ACTN4: variants seen among roughly 807,000 people sequenced by gnomAD.
ACTN4 encodes the protein actinin alpha 4.
A neutral mutation model predicts 114.2 loss-of-function variants in ACTN4; 18 were observed. The ratio of observed to expected loss-of-function variants is 0.16; its 90% CI spans 0.11 to 0.23. ACTN4 has a LOEUF of 0.23. Ranked by LOEUF, ACTN4 falls within the 10% of genes least tolerant of loss-of-function variation. ACTN4 has a pLI of 1.00. For synonymous variants in ACTN4, 515 were observed against 506.3 expected (o/e 1.02, Z -0.23); for missense variants, 722 against 1,262.9 (o/e 0.57, Z 6.49).
intron 1 of ACTN4, among the ~76,000 whole-genome samples, chr19:38,649,015 G>A (rs1976473888): frequency 6.6e-6 from 1 of 151,914 alleles, no homozygotes; most frequent in African/African-American, 2.4e-5. Flanking sequence ...GGCTCCTGGA[G>A]GTGCAGTCCC....
intron 8 of ACTN4, chr19:38,711,509 C>T (rs1047390353): frequency 1.6e-5 from 4 of 251,892 alleles, no homozygotes; most frequent in South Asian, 1.5e-4. Context: ...GCCTCTGACT[C>T]GGAAGGTCCC....
chr19:38,723,368 G>A (rs1969112246), intron 12 of ACTN4, among the ~76,000 whole-genome samples: 2 of 152,172 alleles, frequency 1.3e-5, no homozygotes, highest in Non-Finnish European at 2.9e-5. Flanking sequence ...GGAGGAAGCC[G>A]CTTCCCTTCT....
intron 3 of ACTN4, among the ~76,000 whole-genome samples, chr19:38,704,274 G>A (rs959529970): frequency 6.6e-6 from 1 of 152,242 alleles, no homozygotes; most frequent in African/African-American, 2.4e-5. Context: ...CTACACCATT[G>A]CACTCCAGCC....
At chr19:38,653,429 A>T (rs1599756706) in intron 1 of ACTN4, among the ~76,000 whole-genome samples, 2 of 151,956 alleles carry the variant, frequency 1.3e-5, no homozygotes, top group Admixed American at 1.3e-4. Context: ...AAAAAAAAAA[A>T]GATTCCCTTG....
At chr19:38,656,876 G>C (rs1976728040) in intron 1 of ACTN4, among the ~76,000 whole-genome samples, 1 of 152,158 alleles carries the variant, frequency 6.6e-6, no homozygotes, top group African/African-American at 2.4e-5. Flanking sequence ...TTTTGAGAGT[G>C]GGTGGAAGCC....
chr19:38,696,838 C>T (rs965306544), intron 1 of ACTN4, among the ~76,000 whole-genome samples: 2 of 152,236 alleles, frequency 1.3e-5, no homozygotes, highest in African/African-American at 2.4e-5. Context: ...GGCGAGTGGG[C>T]ATCCTCCCTG....
intron 11 of ACTN4, among the ~76,000 whole-genome samples, chr19:38,719,380 T>A (rs1039293104): frequency 6.6e-6 from 1 of 152,202 alleles, no homozygotes; most frequent in Non-Finnish European, 1.5e-5. Context: ...AGTGTGCAGC[T>A]CCACACGGCC....
chr19:38,683,260 C>T (rs900518644), intron 1 of ACTN4, among the ~76,000 whole-genome samples: 1 of 152,162 alleles, frequency 6.6e-6, no homozygotes, highest in Non-Finnish European at 1.5e-5. Context: ...GTGCAGTGCC[C>T]TCAGACCTAA....
At chr19:38,715,012 T>C (rs1047299585) in intron 9 of ACTN4, among the ~76,000 whole-genome samples, 2 of 152,176 alleles carry the variant, frequency 1.3e-5, no homozygotes, top group Admixed American at 6.5e-5. Flanking sequence ...TTATCCTCCT[T>C]TCCAAGTGAG....
At position 38,726,925 on chromosome 19, in the gene ACTN4, C is replaced by T. The variant is rs145414710; in HGVS notation, c.2191-32C>T. 7.2e-4 allele frequency: 1,157 copies of T among 1,612,618 alleles called. 1 individual carries two copies. The highest frequency in any genetic ancestry group is 9.1e-4 in the East Asian group (41 of 44,870). On this transcript the variant is annotated intron_variant, in intron 17 of 20. Coordinates refer to ENST00000252699, the MANE Select transcript of ACTN4 (RefSeq NM_004924.6). Reference sequence around the variant, plus strand: ...CACGGTGAGGACAGTTCACAGCACCCGGCCCACGATCACGCCCCCGTCTTT... The same window carrying T: ...CACGGTGAGGACAGTTCACAGCACCTGGCCCACGATCACGCCCCCGTCTTT...
intron 8 of ACTN4, chr19:38,711,149 TG>T: frequency 3.8e-6 from 1 of 263,574 alleles, no homozygotes; most frequent in Non-Finnish European, 5.9e-6. Flanking sequence ...CACGCAGGCC[TG>T]GGGCTGGCTT....
rs750429771 is a variant in ACTN4 at position 38,728,018 on chromosome 19, G to A, written c.2410G>A (p.Asp804Asn). ...CAGCCTGGGCTACGACGTGGAGAAC[G>A]ACCGGCAGGTACTGCACCCTGGGCC... is the stretch of plus-strand genomic sequence containing the variant. ...LISLGYDVEN[D>N]RQGEAEFNRI... Residue 804 changes from aspartate to asparagine, a missense_variant, in exon 19 of 21, where the codon GAC becomes AAC. This residue lies in a region of ACTN4 where 523 missense variants were observed against 875.9 expected (regional missense o/e 0.60). Coordinates refer to ENST00000252699, the MANE Select transcript of ACTN4 (RefSeq NM_004924.6). 1.5e-5 allele frequency: 24 copies of A among 1,612,284 alleles called. No individual in the cohort carries two copies. The highest frequency in any genetic ancestry group is 6.7e-5 in the East Asian group (3 of 44,826).
chr19:38,650,884 C>T (rs1290396358), intron 1 of ACTN4, among the ~76,000 whole-genome samples: 2 of 152,162 alleles, frequency 1.3e-5, no homozygotes, highest in African/African-American at 4.8e-5. Flanking sequence ...TACGGGCATG[C>T]GCCACCACGC....
chr19:38,684,847 G>A (rs1967692234), intron 1 of ACTN4, among the ~76,000 whole-genome samples: 1 of 151,634 alleles, frequency 6.6e-6, no homozygotes, highest in Non-Finnish European at 1.5e-5. Flanking sequence ...TCTGTCTCAT[G>A]CATCCAAGGA....
At position 38,730,933 on chromosome 19, in the gene ACTN4, C is replaced by T. The variant is rs1198190953; in HGVS notation, c.*1501C>T. 1.3e-6 allele frequency: 2 copies of T among 1,550,478 alleles called. No homozygotes were observed. The highest frequency in any genetic ancestry group is 1.4e-5 in the African/African-American group (1 of 73,162). ...AGGCAGGGAGCTCGCAGGACAGAGC[C>T]TGAGCCACCCTGTCCCTCCCACCTG... is the stretch of plus-strand genomic sequence containing the variant. On this transcript the variant is annotated 3_prime_UTR_variant, in exon 21 of 21. Transcript: ENST00000252699.
Position 38,718,016 on chromosome 19 carries a change from C to T in ACTN4, c.1233C>T (p.Leu411=). ...ATGAGATCCGCAGGCTGGAGCGGCT[C>T]GACCACCTGGCAGAGAAGTTCCGGC... ...LLNEIRRLER[L]DHLAEKFRQK... Residue 411 remains leucine, a synonymous_variant, in exon 11 of 21, where the codon CTC becomes CTT. Transcript: ENST00000252699. 5 of 1,607,586 alleles carry T rather than the reference C, an allele frequency of 3.1e-6. No homozygotes were observed. Among genetic ancestry groups the T allele is most frequent in the East Asian group, 2.2e-5 (1 of 44,600 alleles).
rs751086993 is a variant in ACTN4 at position 38,728,982 on chromosome 19, C to T, written c.2419-14C>T. 6.5e-5 allele frequency: 104 copies of T among 1,612,374 alleles called. 1 individual carries two copies. In the Middle Eastern group the frequency reaches 1.6e-3, roughly 26 times the overall value. On this transcript the variant is annotated splice_polypyrimidine_tract_variant and intron_variant, in intron 19 of 20. Transcript: ENST00000252699. ...TAAATGTCGGGTGTCCCCCACCCCA[C>T]CCTCTCCTTGCAGGGTGAGGCCGAG...
At chr19:38,692,069 C>T (rs965658408) in intron 1 of ACTN4, among the ~76,000 whole-genome samples, 1 of 151,930 alleles carries the variant, frequency 6.6e-6, no homozygotes, top group Non-Finnish European at 1.5e-5. Context: ...CTCGCTACCC[C>T]ACTCAGCAGT....
At chr19:38,650,941 C>T (rs766492265) in intron 1 of ACTN4, among the ~76,000 whole-genome samples, 1 of 152,146 alleles carries the variant, frequency 6.6e-6, no homozygotes, top group Non-Finnish European at 1.5e-5. Flanking sequence ...CCATGTTGGT[C>T]GGGCTGGTCT....
Sources: allele counts gnomAD v4.1 joint callset (sites outside exome capture counted in the v4.1 genomes callset), GRCh38; gene constraint gnomAD v4.1.1; regional missense constraint gnomAD v4.1.1; transcripts MANE v1.5; gene names NCBI Gene and HGNC (gene_info 2026-07-23, HGNC 2026-07-21).